CEP112: variants seen among roughly 807,000 people sequenced by gnomAD.
The protein encoded by CEP112 is centrosomal protein 112.
In CEP112, 127 loss-of-function variants were observed where a neutral mutation model predicts 153.0. That is an observed-to-expected ratio of 0.83 (90% CI 0.72 to 0.96). The LOEUF is 0.96. Ranked by LOEUF, CEP112 falls within the 40% of genes least tolerant of loss-of-function variation. CEP112 has a pLI of 0.00. For missense variants in CEP112, 1,089 were observed against 1,101.2 expected, an observed-to-expected ratio of 0.99 and a Z score of 0.16; for synonymous variants, 358 against 374.4, an observed-to-expected ratio of 0.96 and a Z score of 0.51.
chr17:66,049,489 C>A (rs2145902111), intron 12 of CEP112, among the ~76,000 whole-genome samples: 1 of 152,290 alleles, frequency 6.6e-6, no homozygotes, highest in East Asian at 1.9e-4. Context: ...GTGGTGCACA[C>A]CTGTAATCAC....
chr17:66,000,231 T>G (rs2063968877), intron 17 of CEP112, among the ~76,000 whole-genome samples: 1 of 49,652 alleles, frequency 2.0e-5, no homozygotes, highest in Non-Finnish European at 4.5e-5. Context: ...CTGGCATCTG[T>G]TTTTTTTTTG....
chr17:65,726,387 T>C (rs907654991), intron 23 of CEP112, among the ~76,000 whole-genome samples: 1 of 152,068 alleles, frequency 6.6e-6, no homozygotes, highest in Non-Finnish European at 1.5e-5. Context: ...CATGAAAGTG[T>C]AAGGTTCTTG....
In CEP112 at chr17:65,961,478, A is replaced by G. The variant is rs773791859; in HGVS notation, c.1857T>C (p.Ala619=). ...GCCTCCTTACCTGCTCTTTCATTTC[A>G]GCATAGACTTTCTCTGAGTTCAGTT... The part of the protein sequence containing the change: ...QVELNSEKVY[A]EMKEQMEKVE... The change falls in exon 18 of 27, where the codon GCT becomes GCC. Residue 619 remains alanine, a synonymous_variant. Transcript: ENST00000535342. The G allele has an allele frequency of 1.9e-6, 3 of 1,608,428 alleles. No individual in the cohort carries two copies. Among genetic ancestry groups the G allele is most frequent in the Admixed American group, 1.7e-5 (1 of 59,880 alleles).
chr17:66,022,581 C>T (rs2065041252), intron 16 of CEP112, among the ~76,000 whole-genome samples: 1 of 151,740 alleles, frequency 6.6e-6, no homozygotes, highest in African/African-American at 2.4e-5. Context: ...TTGTGGCAGG[C>T]ACCTGTAGTC....
At chr17:66,059,133 C>T (rs2050245384) in intron 11 of CEP112, among the ~76,000 whole-genome samples, 1 of 151,934 alleles carries the variant, frequency 6.6e-6, no homozygotes, top group Admixed American at 6.6e-5. Context: ...GGATACCCCA[C>T]AAAACACAAA....
chr17:66,175,196 TG>T lies in CEP112; in HGVS notation c.317del (p.Pro106GlnfsTer29). 1 of 1,594,868 alleles carries T rather than the reference TG, an allele frequency of 6.3e-7. No homozygotes were observed. The highest frequency in any genetic ancestry group is 1.1e-5 in the South Asian group (1 of 87,180). ...TTGAACCTTTTGCTCGTGCTGGATT[TG>T]GTTCATCAAAATAGATGGACTGATT... ...PSYMSIYFDE[P>X]NPARAKGSSP... On this transcript the variant is annotated frameshift_variant, in exon 4 of 27. Coordinates refer to ENST00000535342, the MANE Select transcript of CEP112 (RefSeq NM_001199165.4). LOFTEE classifies it high-confidence loss of function.
chr17:65,699,305 G>A (rs2048506183), intron 23 of CEP112, among the ~76,000 whole-genome samples: 1 of 152,156 alleles, frequency 6.6e-6, no homozygotes. Context: ...TAAAGAGCAA[G>A]TTGCCTTTCA....
chr17:65,677,339 T>C (rs1411426823), intron 24 of CEP112, among the ~76,000 whole-genome samples: 3 of 152,244 alleles, frequency 2.0e-5, no homozygotes, highest in Non-Finnish European at 4.4e-5. Flanking sequence ...ACAAACTTTG[T>C]ACTTAATAAA....
chr17:65,899,229 T>A (rs1267823581), intron 20 of CEP112, among the ~76,000 whole-genome samples: 1 of 152,184 alleles, frequency 6.6e-6, no homozygotes, highest in Non-Finnish European at 1.5e-5. Context: ...TCTTGATTTC[T>A]ACCAGTCTGA....
intron 24 of CEP112, among the ~76,000 whole-genome samples, chr17:65,672,963 C>G (rs2047060450): frequency 6.6e-6 from 1 of 152,134 alleles, no homozygotes; most frequent in Non-Finnish European, 1.5e-5. Context: ...ATTGCTGTAA[C>G]AAATTACCCA....
Position 66,176,912 on chromosome 17 carries a change from T to C in CEP112, c.215A>G (p.His72Arg), listed in dbSNP as rs145559028. The change falls in exon 3 of 27, where the codon CAT becomes CGT. Residue 72 changes from histidine (H) to arginine (R), a missense_variant. Transcript: ENST00000535342. ...TTCAAGCGCACCTCGTTTAAGCATA[T>C]GCAATAACAATTTTGCATACAGGTT... ...NRNLYAKLLLHMLKRGALEGP... is the reference protein window; with the variant it reads ...NRNLYAKLLLRMLKRGALEGP... The C allele has an allele frequency of 1.5e-5, 24 of 1,613,906 alleles. No individual in the cohort carries two copies. The highest frequency in any genetic ancestry group is 1.8e-5 in the Non-Finnish European group (21 of 1,179,948).
At chr17:65,875,920 C>A (rs916219010) in intron 20 of CEP112, among the ~76,000 whole-genome samples, 3 of 152,176 alleles carry the variant, frequency 2.0e-5, no homozygotes, top group South Asian at 4.1e-4. Flanking sequence ...ATTCAAAACA[C>A]AACCAGATAA....
chr17:66,112,051 G>A (rs1262231337), intron 6 of CEP112, among the ~76,000 whole-genome samples: 2 of 152,130 alleles, frequency 1.3e-5, no homozygotes, highest in African/African-American at 4.8e-5. Context: ...AGCACTTTGG[G>A]AGGCTGAGGC....
intron 20 of CEP112, among the ~76,000 whole-genome samples, chr17:65,881,351 C>G (rs2059065673): frequency 6.6e-6 from 1 of 151,932 alleles, no homozygotes; most frequent in Non-Finnish European, 1.5e-5. Flanking sequence ...TTTATGAGAA[C>G]AGGCACAGCC....
intron 21 of CEP112, among the ~76,000 whole-genome samples, chr17:65,765,570 G>A (rs944606936): frequency 1.3e-5 from 2 of 152,036 alleles, no homozygotes; most frequent in African/African-American, 2.4e-5. Context: ...TGCAAGCCAT[G>A]TTAGACCCAA....
At chr17:65,927,242 T>C (rs185149035) in intron 19 of CEP112, among the ~76,000 whole-genome samples, 22 of 152,308 alleles carry the variant, frequency 1.4e-4, no homozygotes, top group Admixed American at 1.4e-3. Context: ...TGGGAGCTTC[T>C]TGAGGCCTCT....
intron 18 of CEP112, among the ~76,000 whole-genome samples, chr17:65,928,423 C>G (rs2061006720): frequency 1.3e-5 from 2 of 152,122 alleles, no homozygotes; most frequent in African/African-American, 4.8e-5. Flanking sequence ...AGTTCCACTC[C>G]AAGGTAAGAA....
intron 14 of CEP112, among the ~76,000 whole-genome samples, chr17:66,028,888 G>T (rs1482395439): frequency 6.6e-6 from 1 of 152,018 alleles, no homozygotes; most frequent in African/African-American, 2.4e-5. Flanking sequence ...CACTTAAAAT[G>T]ATTAGCTTAT....
chr17:65,799,595 G>T (rs976674016), intron 21 of CEP112, among the ~76,000 whole-genome samples: 2 of 152,202 alleles, frequency 1.3e-5, no homozygotes, highest in Non-Finnish European at 2.9e-5. Flanking sequence ...GGAGACAACT[G>T]TGGCAATAGT....
Sources: gnomAD v4.1 joint callset for allele counts (sites outside exome capture counted in the v4.1 genomes callset) on GRCh38, gnomAD v4.1.1 for gene constraint, MANE v1.5 for transcripts, NCBI Gene and HGNC (gene_info 2026-07-23, HGNC 2026-07-21) for gene names.